The following FASTKD2 variants were observed in gnomAD, a reference collection of about 807,000 sequenced individuals.
The protein encoded by FASTKD2 is FAST kinase domain-containing protein 2, mitochondrial.
A neutral mutation model predicts 63.6 loss-of-function variants in FASTKD2; 51 were observed. The observed-to-expected ratio is 0.80, with a 90% CI of 0.64 to 1.01. FASTKD2 has a LOEUF of 1.01. FASTKD2 is among the 50% of genes least tolerant of loss of function. The pLI is 0.00. For synonymous variants in FASTKD2, 284 were observed against 293.4 expected (o/e 0.97, Z 0.33); for missense variants, 786 against 831.1 (o/e 0.95, Z 0.67).
chr2:206,790,423 C>G, intron 10 of FASTKD2, 149 bp from the exon 11 acceptor site: 1 of 667,820 alleles, frequency 1.5e-6, no homozygotes, highest in South Asian at 1.6e-5. Flanking sequence ...CTGCAGAGGC[C>G]AAGTAAAAGA....
chr2:206,770,937 G>A (rs1021060812), intron 3 of FASTKD2, among the ~76,000 whole-genome samples: 4 of 152,098 alleles, frequency 2.6e-5, no homozygotes, highest in Non-Finnish European at 5.9e-5. Flanking sequence ...CATAGGATAT[G>A]TTACTATAAT....
chr2:206,784,432 A>G (rs553218538), intron 7 of FASTKD2, among the ~76,000 whole-genome samples: 12 of 152,370 alleles, frequency 7.9e-5, no homozygotes, highest in East Asian at 7.7e-4. Flanking sequence ...CCCACATGCT[A>G]TACATTAATC....
intron 10 of FASTKD2, chr2:206,789,851 A>G (rs1192127444): frequency 6.6e-6 from 1 of 152,266 alleles, no homozygotes; most frequent in Non-Finnish European, 1.5e-5. Context: ...TTCTGGCATA[A>G]TAAAATAACA....
At chr2:206,769,467 C>G (rs891301899) in intron 2 of FASTKD2, among the ~76,000 whole-genome samples, 1 of 152,128 alleles carries the variant, frequency 6.6e-6, no homozygotes. Context: ...TATTCACTTT[C>G]CAGATTATGC....
At chr2:206,773,962 A>G (rs1689754449) in intron 6 of FASTKD2, among the ~76,000 whole-genome samples, 1 of 152,198 alleles carries the variant, frequency 6.6e-6, no homozygotes, top group African/African-American at 2.4e-5. Flanking sequence ...TTTTTAAATC[A>G]GATGGAAACG....
chr2:206,788,778 G>A (rs1690204907), intron 9 of FASTKD2, 41 bp from the exon 10 acceptor site: 1 of 977,962 alleles, frequency 1.0e-6, no homozygotes, highest in African/African-American at 1.6e-5. Flanking sequence ...AAGTCACTTG[G>A]AGGAATGTTT....
chr2:206,768,692 C>T (rs115245211), intron 2 of FASTKD2, among the ~76,000 whole-genome samples: 456 of 152,158 alleles, frequency 3.0e-3, no homozygotes, highest in Non-Finnish European at 4.7e-3. Flanking sequence ...AGAGCCAGAC[C>T]CTGTCTGAAA....
chr2:206,786,877 C>A lies in FASTKD2; in HGVS notation c.1572C>A (p.Ile524=). 6.2e-7 allele frequency: 1 copy of A among 1,603,642 alleles called. No individual in the cohort carries two copies. The highest frequency in any genetic ancestry group is 1.1e-5 in the South Asian group (1 of 90,914). The change falls in exon 8 of 12, where the codon ATC becomes ATA. Residue 524 remains isoleucine (I), a synonymous_variant. Coordinates refer to ENST00000402774, the MANE Select transcript of FASTKD2 (RefSeq NM_001136193.2). The part of the protein sequence containing the change: ...APFNQLLQKD[I]ISELLTSDDM... ...TTAATCAGCTTCTGCAAAAAGACAT[C>A]ATCAGTGAGCTGCTGACATCAGGTA...
At chr2:206,783,002 T>C (rs553096391) in intron 7 of FASTKD2, among the ~76,000 whole-genome samples, 2 of 152,262 alleles carry the variant, frequency 1.3e-5, no homozygotes, top group Admixed American at 6.5e-5. Context: ...ATGACTTGAC[T>C]CCAGCTGCTT....
intron 7 of FASTKD2, among the ~76,000 whole-genome samples, chr2:206,783,593 A>T (rs910481640): frequency 1.3e-5 from 2 of 152,182 alleles, no homozygotes; most frequent in Admixed American, 1.3e-4. Context: ...AGAGGGATTA[A>T]GAGAGTAAGT....
chr2:206,770,029 T>G (rs1298574637), intron 2 of FASTKD2, 62 bp from the exon 3 acceptor site: 18 of 1,055,604 alleles, frequency 1.7e-5, no homozygotes, highest in Non-Finnish European at 2.5e-5. Flanking sequence ...TGGTTTTGCT[T>G]GGGTAAGATA....
intron 1 of FASTKD2, among the ~76,000 whole-genome samples, 187 bp downstream of exon 1, chr2:206,765,934 C>T (rs906400519): frequency 2.6e-5 from 4 of 151,956 alleles, no homozygotes; most frequent in Non-Finnish European, 4.4e-5. Flanking sequence ...GCCCAGGTCC[C>T]TATTCTTGAT....
chr2:206,795,834 G>T lies in FASTKD2; in HGVS notation c.*4032G>T, dbSNP rs944585043. Among the ~76,000 whole-genome samples the T allele has an allele frequency of 6.6e-6, 1 of 152,194 alleles. No homozygotes were observed. Among genetic ancestry groups the T allele is most frequent in the Non-Finnish European group, 1.5e-5 (1 of 68,038 alleles). ...ACGAGGAGCATCCATTTTGCTGGTG[G>T]GGATTGTGGCTAAAATAATGTGGCT... On this transcript the variant is annotated 3_prime_UTR_variant, in exon 12 of 12. Coordinates refer to ENST00000402774, the MANE Select transcript of FASTKD2 (RefSeq NM_001136193.2).
intron 10 of FASTKD2, 34 bp from the exon 11 acceptor site, chr2:206,790,538 T>C (rs1238720978): frequency 8.1e-7 from 1 of 1,239,246 alleles, no homozygotes; most frequent in South Asian, 1.2e-5. Flanking sequence ...GTAATATCAA[T>C]AACTGTTCTT....
At chr2:206,788,756 A>T (rs1027417662) in intron 9 of FASTKD2, 63 bp from the exon 10 acceptor site, 9 of 841,758 alleles carry the variant, frequency 1.1e-5, no homozygotes, top group African/African-American at 3.4e-5. Context: ...AAAGGAAAAG[A>T]AAAGAAAAAG....
At chr2:206,770,253 T>A in intron 3 of FASTKD2, 59 bp downstream of exon 3, 1 of 1,130,644 alleles carries the variant, frequency 8.8e-7, no homozygotes, top group Non-Finnish European at 1.4e-6. Context: ...ATATCTGGAA[T>A]AAAAAAATTG....
At chr2:206,768,049 G>C (rs2105971306) in intron 2 of FASTKD2, among the ~76,000 whole-genome samples, 1 of 151,962 alleles carries the variant, frequency 6.6e-6, no homozygotes, top group South Asian at 2.1e-4. Context: ...AGGAGTGAGG[G>C]GCAAGAGGCT....
chr2:206,766,243 T>C (rs1274215331), intron 1 of FASTKD2, among the ~76,000 whole-genome samples: 7 of 85,112 alleles, frequency 8.2e-5, no homozygotes, highest in African/African-American at 2.4e-4. Flanking sequence ...CTGGGGGACA[T>C]AGCAAGACTT....
chr2:206,768,567 G>A (rs1229948109), intron 2 of FASTKD2, among the ~76,000 whole-genome samples: 1 of 152,162 alleles, frequency 6.6e-6, no homozygotes, highest in African/African-American at 2.4e-5. Context: ...TGGGTGTGAT[G>A]TACTTGCCTG....
Sources: allele counts gnomAD v4.1 joint callset (sites outside exome capture counted in the v4.1 genomes callset), GRCh38; gene constraint gnomAD v4.1.1; transcripts MANE v1.5; gene names NCBI Gene and HGNC (gene_info 2026-07-23, HGNC 2026-07-21).